Variants in DOCK2 observed in about 807,000 individuals in gnomAD.
The protein encoded by DOCK2 is dedicator of cytokinesis protein 2.
A neutral mutation model predicts 248.9 loss-of-function variants in DOCK2; 87 were observed. The observed-to-expected ratio is 0.35, with a 90% CI of 0.29 to 0.42. The LOEUF (loss-of-function observed/expected upper bound fraction) is 0.42, where lower values mean the gene tolerates loss of function less well. Among genes scored for constraint, DOCK2 ranks in the 10% least tolerant of loss-of-function variants. DOCK2 has a pLI of 1.00. For missense variants in DOCK2, 1,747 were observed against 2,300.2 expected, an observed-to-expected ratio of 0.76 and a Z score of 4.92; for synonymous variants, 805 against 821.6, an observed-to-expected ratio of 0.98 and a Z score of 0.35.
intron 14 of DOCK2, among the ~76,000 whole-genome samples, chr5:169,707,347 T>A (rs1333597690): frequency 1.3e-5 from 2 of 152,188 alleles, no homozygotes; most frequent in African/African-American, 4.8e-5. Flanking sequence ...CTCCCACATT[T>A]CTGCTGTGTG....
chr5:169,792,498 A>G (rs1331377249), intron 25 of DOCK2, among the ~76,000 whole-genome samples: 1 of 151,446 alleles, frequency 6.6e-6, no homozygotes, highest in Non-Finnish European at 1.5e-5. Context: ...TTTTTTAAAG[A>G]TGAGCGTCTT....
intron 27 of DOCK2, among the ~76,000 whole-genome samples, chr5:169,978,400 G>GT (rs1777806871): frequency 7.2e-6 from 1 of 139,772 alleles, no homozygotes; most frequent in African/African-American, 2.7e-5. Context: ...TGTGGGGGGG[G>GT]GGGGGTGTAG....
chr5:169,644,950 C>T (rs112977849), intron 1 of DOCK2, among the ~76,000 whole-genome samples: 2,370 of 152,228 alleles, frequency 0.016, 36 homozygotes, highest in Non-Finnish European at 0.023. Context: ...CAGCTTTATC[C>T]CTGTCCCTGC....
chr5:169,911,509 T>C (rs1312208803), intron 27 of DOCK2, among the ~76,000 whole-genome samples: 3 of 152,214 alleles, frequency 2.0e-5, no homozygotes, highest in African/African-American at 7.2e-5. Flanking sequence ...CAAGTCTGTT[T>C]ATTACCTGCT....
At chr5:170,005,428 T>C (rs964498153) in intron 30 of DOCK2, among the ~76,000 whole-genome samples, 1 of 152,134 alleles carries the variant, frequency 6.6e-6, no homozygotes, top group Admixed American at 6.5e-5. Flanking sequence ...GAGCTTACAG[T>C]TGGAGAAGAC....
intron 27 of DOCK2, among the ~76,000 whole-genome samples, chr5:169,842,751 G>A (rs901673313): frequency 6.6e-6 from 1 of 152,176 alleles, no homozygotes; most frequent in Non-Finnish European, 1.5e-5. Context: ...TGTGTCATAA[G>A]AAGCACTAAA....
intron 6 of DOCK2, among the ~76,000 whole-genome samples, chr5:169,679,253 G>A (rs1759519173): frequency 6.6e-6 from 1 of 152,054 alleles, no homozygotes; most frequent in Admixed American, 6.6e-5. Context: ...CATACAGTGG[G>A]GCCTTTTCCC....
intron 30 of DOCK2, among the ~76,000 whole-genome samples, chr5:170,000,932 G>A (rs190218920): frequency 1.3e-5 from 2 of 152,302 alleles, no homozygotes; most frequent in East Asian, 1.9e-4. Flanking sequence ...AAAAACAGGC[G>A]AGGGAGAGAC....
intron 25 of DOCK2, among the ~76,000 whole-genome samples, chr5:169,772,756 T>G (rs1168559535): frequency 6.6e-6 from 1 of 152,212 alleles, no homozygotes; most frequent in East Asian, 1.9e-4. Flanking sequence ...TTGAAAAATA[T>G]TCTCCCAATA....
At chr5:169,830,378 TC>T (rs1769145616) in intron 26 of DOCK2, among the ~76,000 whole-genome samples, 1 of 152,170 alleles carries the variant, frequency 6.6e-6, no homozygotes, top group African/African-American at 2.4e-5. Flanking sequence ...GTAATACTTA[TC>T]CCCGGGGTTC....
rs1757979089 is a variant in DOCK2 at position 170,080,194 on chromosome 5, C to T, written c.5198C>T (p.Thr1733Ile). 1 of 1,614,108 alleles carries T rather than the reference C, an allele frequency of 6.2e-7. No individual in the cohort carries two copies. Among genetic ancestry groups the T allele is most frequent in the Non-Finnish European group, 8.5e-7 (1 of 1,180,022 alleles). ...AGGAAGCATGAGTTCATGAGTGACA[C>T]CAACCTCTCGGAGCATGCGGCCATC... ...LSRKHEFMSD[T>I]NLSEHAAIPL... The change falls in exon 50 of 52, where the codon ACC becomes ATC. Residue 1733 changes from threonine (T) to isoleucine (I), a missense_variant. Physicochemically the swap from Thr to Ile is moderately conservative, Grantham distance 89. Coordinates refer to ENST00000520908, the MANE Select transcript of DOCK2 (RefSeq NM_004946.3).
At chr5:169,891,789 C>A (rs1454358840) in intron 27 of DOCK2, among the ~76,000 whole-genome samples, 2 of 152,004 alleles carry the variant, frequency 1.3e-5, no homozygotes, top group Non-Finnish European at 2.9e-5. Flanking sequence ...TCAAGACCAG[C>A]TTGGACCAGC....
chr5:169,773,533 T>C (rs1172295277), intron 25 of DOCK2, among the ~76,000 whole-genome samples: 1 of 152,164 alleles, frequency 6.6e-6, no homozygotes, highest in Admixed American at 6.5e-5. Context: ...TCAAACTATA[T>C]TCCATGGGAT....
intron 14 of DOCK2, among the ~76,000 whole-genome samples, chr5:169,706,085 T>C (rs933856653): frequency 2.6e-5 from 4 of 152,252 alleles, no homozygotes; most frequent in African/African-American, 9.6e-5. Context: ...AACACTGTTA[T>C]TTCTCTGAAG....
chr5:170,004,811 G>C (rs539077149), intron 30 of DOCK2, among the ~76,000 whole-genome samples: 1 of 148,168 alleles, frequency 6.7e-6, no homozygotes. Context: ...GTAAACTATC[G>C]CAAGAACAAA....
intron 41 of DOCK2, among the ~76,000 whole-genome samples, chr5:170,052,356 T>C (rs6860533): frequency 0.076 from 11,559 of 152,132 alleles, 1,110 homozygotes; most frequent in African/African-American, 0.23. Context: ...TCTAAGTGGA[T>C]CTCCTGGGAT....
At chr5:169,924,382 T>A (rs1775330843) in intron 27 of DOCK2, among the ~76,000 whole-genome samples, 1 of 152,258 alleles carries the variant, frequency 6.6e-6, no homozygotes, top group Non-Finnish European at 1.5e-5. Context: ...TTTTAGTCAG[T>A]TTCCTGGTAT....
intron 22 of DOCK2, among the ~76,000 whole-genome samples, chr5:169,720,265 C>T (rs1370724767): frequency 1.3e-5 from 2 of 152,174 alleles, no homozygotes; most frequent in African/African-American, 4.8e-5. Flanking sequence ...TGGAGGAGTT[C>T]AAGAATTCAG....
At chr5:169,663,796 C>G (rs1758576717) in intron 2 of DOCK2, among the ~76,000 whole-genome samples, 1 of 152,220 alleles carries the variant, frequency 6.6e-6, no homozygotes, top group African/African-American at 2.4e-5. Flanking sequence ...CCTTCCTAGG[C>G]CTCTGGGCCT....
Sources: gnomAD v4.1 joint callset for allele counts (sites outside exome capture counted in the v4.1 genomes callset) on GRCh38, gnomAD v4.1.1 for gene constraint, MANE v1.5 for transcripts, NCBI Gene and HGNC (gene_info 2026-07-23, HGNC 2026-07-21) for gene names.